MPDZ: variants seen among roughly 807,000 people sequenced by gnomAD.
MPDZ encodes the protein multiple PDZ domain protein.
Under a neutral mutation model 239.1 loss-of-function variants are expected in MPDZ, and 234 were observed. The observed-to-expected ratio is 0.98, with a 90% CI of 0.88 to 1.09. MPDZ has a LOEUF of 1.09. Among genes scored for constraint, MPDZ ranks in the 50% least tolerant of loss-of-function variants. The pLI is 0.00. For synonymous variants in MPDZ, 1,048 were observed against 881.3 expected, an observed-to-expected ratio of 1.19 and a Z score of -3.35; for missense variants, 3,175 against 2,510.0, an observed-to-expected ratio of 1.26 and a Z score of -5.66.
At chr9:13,108,837 A>C in intron 46 of MPDZ, 99 bp downstream of exon 46, 3 of 1,226,500 alleles carry the variant, frequency 2.4e-6, no homozygotes, top group Non-Finnish European at 3.3e-6. Context: ...ACTGTTAACC[A>C]TTTGGCATTA....
intron 24 of MPDZ, among the ~76,000 whole-genome samples, chr9:13,154,332 G>C (rs569328906): frequency 6.6e-6 from 1 of 151,672 alleles, no homozygotes; most frequent in South Asian, 2.1e-4. Context: ...CGTTATGTAG[G>C]GAAAAAAAAG....
At chr9:13,188,725 G>C in intron 17 of MPDZ, 59 bp downstream of exon 17, 1 of 1,464,742 alleles carries the variant, frequency 6.8e-7, no homozygotes, top group Non-Finnish European at 9.3e-7. Flanking sequence ...GCGAAAAGTA[G>C]ACCTATGAAC....
At chr9:13,129,964 T>C (rs914203812) in intron 32 of MPDZ, among the ~76,000 whole-genome samples, 6 of 152,196 alleles carry the variant, frequency 3.9e-5, no homozygotes, top group Admixed American at 6.5e-5. Context: ...TGGAGAATTA[T>C]TTTGAAGGTA....
intron 3 of MPDZ, among the ~76,000 whole-genome samples, chr9:13,228,440 C>A (rs1168140723): frequency 6.6e-6 from 1 of 152,040 alleles, no homozygotes; most frequent in African/African-American, 2.4e-5. Context: ...TTATAAGATG[C>A]AGTCAGAACC....
intron 1 of MPDZ, among the ~76,000 whole-genome samples, chr9:13,250,790 G>T (rs1394933710): frequency 6.6e-6 from 1 of 152,042 alleles, no homozygotes; most frequent in Non-Finnish European, 1.5e-5. Flanking sequence ...TGCCCTCAAA[G>T]GCTCACACTC....
At chr9:13,267,042 G>A (rs2139057080) in intron 1 of MPDZ, among the ~76,000 whole-genome samples, 1 of 152,194 alleles carries the variant, frequency 6.6e-6, no homozygotes. Context: ...ATTCATCACT[G>A]GAATGTCTAA....
chr9:13,127,494 T>C (rs1563856710), intron 32 of MPDZ, among the ~76,000 whole-genome samples: 3 of 152,254 alleles, frequency 2.0e-5, no homozygotes, highest in Non-Finnish European at 4.4e-5. Context: ...GTTTTTAACA[T>C]TTTCATTGCC....
At position 13,123,301 on chromosome 9, in the gene MPDZ, A is replaced by G; in HGVS notation, c.4808-3T>C. The G allele has an allele frequency of 1.3e-6, 2 of 1,597,648 alleles. No individual in the cohort carries two copies. Among genetic ancestry groups the G allele is most frequent in the Middle Eastern group, 1.7e-4 (1 of 5,736 alleles). ...TGGTGTTGATGATCTGCTTGTATCT[A>G]AAAATAAGTTAAAAATGAAATACAA... On this transcript the variant is annotated splice_polypyrimidine_tract_variant and splice_region_variant and intron_variant, in intron 35 of 46. Transcript: ENST00000319217.
intron 1 of MPDZ, among the ~76,000 whole-genome samples, chr9:13,275,361 CAG>C (rs749732431): frequency 7.9e-5 from 12 of 152,244 alleles, no homozygotes; most frequent in Non-Finnish European, 1.2e-4. Context: ...TGTGAAGAAA[CAG>C]GGAGAACTCA....
intron 38 of MPDZ, 119 bp from the exon 39 acceptor site, chr9:13,119,768 T>C (rs1481762451): frequency 2.5e-6 from 3 of 1,191,920 alleles, no homozygotes; most frequent in Non-Finnish European, 3.6e-6. Flanking sequence ...TTAAAAGTTT[T>C]GTTATTTGGA....
At chr9:13,189,168 T>C (rs540794088) in intron 16 of MPDZ, among the ~76,000 whole-genome samples, 175 bp from the exon 17 acceptor site, 3 of 152,292 alleles carry the variant, frequency 2.0e-5, no homozygotes, top group African/African-American at 7.2e-5. Context: ...ATCTCCATTT[T>C]AGAGGGTTTA....
Position 13,273,037 on chromosome 9 carries a change from AT to A in MPDZ, c.-58+6362del, listed in dbSNP as rs1301797956. ...TGAATGGGATTAGTGCCCTTATAAA[AT>A]AGGTACCAGAGAGCAGCCTTGCCCC... is the stretch of plus-strand genomic sequence containing the variant. On this transcript the variant is annotated intron_variant, in intron 1 of 46. Transcript: ENST00000319217. Among the ~76,000 whole-genome samples the A allele has an allele frequency of 2.0e-5, 3 of 152,232 alleles. No individual in the cohort carries two copies. In the East Asian group the frequency reaches 5.8e-4, roughly 30 times the overall value.
chr9:13,143,656 T>C lies in MPDZ; in HGVS notation c.3742-92A>G, dbSNP rs1484128067. Reference sequence around the variant, plus strand: ...CAAAGTACATACCGATTTAAAGAACTGCCTGTGTGAAACTAGATCCTATCA... The same window carrying C: ...CAAAGTACATACCGATTTAAAGAACCGCCTGTGTGAAACTAGATCCTATCA... On this transcript the variant is annotated intron_variant, in intron 26 of 46. Transcript: ENST00000319217. 1.0e-5 allele frequency: 10 copies of C among 957,978 alleles called. No homozygotes were observed. In the Admixed American group the frequency reaches 1.4e-4, roughly 13 times the overall value. 59.3% of individuals were successfully genotyped at this position (957,978 alleles called of 1,614,324 possible).
intron 41 of MPDZ, among the ~76,000 whole-genome samples, chr9:13,113,637 C>T (rs1045094603): frequency 2.6e-5 from 4 of 152,006 alleles, no homozygotes; most frequent in Non-Finnish European, 5.9e-5. Context: ...ACTGGTGTTA[C>T]ATTAAACACA....
intron 2 of MPDZ, among the ~76,000 whole-genome samples, chr9:13,248,575 A>AT (rs1008071926): frequency 4.6e-5 from 7 of 151,448 alleles, no homozygotes; most frequent in Non-Finnish European, 7.4e-5. Flanking sequence ...TGAAGCCAAA[A>AT]TTTTTTTTTA....
At chr9:13,122,308 ATAATT>A (rs1944470475) in intron 36 of MPDZ, 138 bp from the exon 37 acceptor site, 14 of 724,796 alleles carry the variant, frequency 1.9e-5, no homozygotes, top group Admixed American at 2.9e-5. Context: ...CAAGCTCCAT[ATAATT>A]CAAGGGAAAG....
Position 13,164,815 on chromosome 9 carries a change from T to C in MPDZ, c.3255-2020A>G, listed in dbSNP as rs115846342. 4.9e-3 allele frequency among the ~76,000 whole-genome samples: 742 copies of C among 152,202 alleles called. 2 individuals carry two copies. The highest frequency in any genetic ancestry group is 0.017 in the African/African-American group (719 of 41,540). ...GGCCACCAGAACAAGCATCCCACAA[T>C]GCAACAGAACATGCAGAGCCATGCT... On this transcript the variant is annotated intron_variant, in intron 22 of 46. Transcript: ENST00000319217.
chr9:13,227,223 C>T (rs1186273436), intron 3 of MPDZ, among the ~76,000 whole-genome samples: 1 of 151,992 alleles, frequency 6.6e-6, no homozygotes, highest in East Asian at 1.9e-4. Flanking sequence ...AATAACTTAA[C>T]CATTATATTA....
chr9:13,168,655 T>TA (rs903358189), intron 21 of MPDZ, 91 bp from the exon 22 acceptor site: 67 of 1,009,764 alleles, frequency 6.6e-5, no homozygotes, highest in Non-Finnish European at 3.6e-5. Flanking sequence ...ATTTATAGAT[T>TA]AAAAAATACA....
Sources: gnomAD v4.1 joint callset for allele counts (sites outside exome capture counted in the v4.1 genomes callset) on GRCh38, gnomAD v4.1.1 for gene constraint, MANE v1.5 for transcripts, NCBI Gene and HGNC (gene_info 2026-07-23, HGNC 2026-07-21) for gene names.